KAZN: variants seen among roughly 807,000 people sequenced by gnomAD.
KAZN encodes kazrin.
A neutral mutation model predicts 87.4 loss-of-function variants in KAZN; 40 were observed. That is an observed-to-expected ratio of 0.46 (90% CI 0.36 to 0.60). The LOEUF (loss-of-function observed/expected upper bound fraction) is 0.60. Ranked by LOEUF, KAZN falls within the 20% of genes least tolerant of loss-of-function variation. The pLI is 0.00. For missense variants in KAZN, 898 were observed against 1,073.9 expected (o/e 0.84, Z 2.29); for synonymous variants, 466 against 458.3 (o/e 1.02, Z -0.22).
intron 8 of KAZN, among the ~76,000 whole-genome samples, chr1:15,071,902 G>T (rs1236525401): frequency 6.6e-6 from 1 of 152,132 alleles, no homozygotes; most frequent in Non-Finnish European, 1.5e-5. Context: ...TTTCTTAATG[G>T]TTACCAGTAA....
intron 1 of KAZN, among the ~76,000 whole-genome samples, chr1:14,706,093 T>C (rs1642194354): frequency 6.6e-6 from 1 of 152,178 alleles, no homozygotes; most frequent in Non-Finnish European, 1.5e-5. Flanking sequence ...GAACTGTGCA[T>C]GCAAGGGATC....
intron 2 of KAZN, among the ~76,000 whole-genome samples, chr1:14,521,259 A>C (rs75152998): frequency 1.3e-5 from 2 of 152,092 alleles, no homozygotes; most frequent in Non-Finnish European, 1.5e-5. Context: ...CACCATAACC[A>C]CTTGAGCCAA....
intron 2 of KAZN, among the ~76,000 whole-genome samples, chr1:14,999,406 C>T (rs1668222496): frequency 6.6e-6 from 1 of 152,234 alleles, no homozygotes. Flanking sequence ...GCATGGGAGG[C>T]CCTGCCTCCA....
chr1:14,224,784 GACTCA>G (rs969044757), intron 2 of KAZN, among the ~76,000 whole-genome samples: 4 of 152,106 alleles, frequency 2.6e-5, no homozygotes, highest in African/African-American at 9.7e-5. Context: ...TGGCATGTTG[GACTCA>G]ACTCTTCCTT....
chr1:13,916,565 T>C (rs1203701), intron 1 of KAZN, among the ~76,000 whole-genome samples: 26,153 of 152,110 alleles, frequency 0.17, 2,503 homozygotes, highest in Admixed American at 0.27. Flanking sequence ...CCTGTGCTCT[T>C]GCTGCTCAGA....
At chr1:14,092,570 C>T (rs1470480956) in intron 1 of KAZN, among the ~76,000 whole-genome samples, 1 of 126,228 alleles carries the variant, frequency 7.9e-6, no homozygotes, top group Non-Finnish European at 1.9e-5. Flanking sequence ...CACATATATA[C>T]ATATGTATGT....
chr1:14,262,054 A>G (rs1651067886), intron 2 of KAZN, among the ~76,000 whole-genome samples: 1 of 152,222 alleles, frequency 6.6e-6, no homozygotes, highest in African/African-American at 2.4e-5. Context: ...TAACTAGCAT[A>G]TCAAACCAAT....
intron 1 of KAZN, among the ~76,000 whole-genome samples, chr1:14,736,254 G>GGGGTGTGTGTGTGT (rs780407996): frequency 3.5e-5 from 4 of 115,300 alleles, no homozygotes; most frequent in Non-Finnish European, 7.1e-5. Context: ...GGGACTCAAG[G>GGGGTGTGTGTGTGT]GTGTGTGTGT....
chr1:14,934,013 G>A (rs1368645908), intron 1 of KAZN, among the ~76,000 whole-genome samples: 5 of 151,514 alleles, frequency 3.3e-5, no homozygotes, highest in East Asian at 1.9e-4. Context: ...CCGCCACTAC[G>A]CCTGGCTATT....
chr1:14,895,610 G>C (rs557185324), intron 1 of KAZN, among the ~76,000 whole-genome samples: 1 of 152,338 alleles, frequency 6.6e-6, no homozygotes, highest in South Asian at 2.1e-4. Context: ...TCATCTTCCG[G>C]GAGGGTGGAA....
chr1:14,039,018 A>G (rs183938112), intron 1 of KAZN, among the ~76,000 whole-genome samples: 38 of 152,144 alleles, frequency 2.5e-4, no homozygotes, highest in African/African-American at 9.2e-4. Flanking sequence ...ACACACACAA[A>G]AAATTAGCTG....
chr1:14,046,222 ACTCT>A (rs1278629301), intron 1 of KAZN, among the ~76,000 whole-genome samples: 5 of 152,038 alleles, frequency 3.3e-5, no homozygotes, highest in Admixed American at 3.3e-4. Context: ...AATATGACAC[ACTCT>A]CTCTCACCAA....
At chr1:14,017,600 G>A (rs574122724) in intron 1 of KAZN, among the ~76,000 whole-genome samples, 2 of 152,334 alleles carry the variant, frequency 1.3e-5, no homozygotes, top group African/African-American at 2.4e-5. Flanking sequence ...ACCACAGAGT[G>A]TATTCCATTA....
intron 1 of KAZN, among the ~76,000 whole-genome samples, chr1:14,045,640 G>C (rs1000710699): frequency 6.6e-6 from 1 of 152,160 alleles, no homozygotes; most frequent in Non-Finnish European, 1.5e-5. Context: ...CCATGGTGGG[G>C]TGTGTATATG....
At chr1:14,825,899 G>A (rs565777966) in intron 1 of KAZN, among the ~76,000 whole-genome samples, 10 of 152,318 alleles carry the variant, frequency 6.6e-5, no homozygotes, top group African/African-American at 2.2e-4. Context: ...ACACGCTCCA[G>A]GAGGGCACAT....
intron 1 of KAZN, among the ~76,000 whole-genome samples, chr1:14,932,079 C>T (rs1450331170): frequency 6.6e-6 from 1 of 152,148 alleles, no homozygotes; most frequent in African/African-American, 2.4e-5. Context: ...ACCAGCACCC[C>T]GTGTTTCCCG....
intron 4 of KAZN, among the ~76,000 whole-genome samples, chr1:15,053,296 A>G (rs1674611423): frequency 6.6e-6 from 1 of 152,124 alleles, no homozygotes; most frequent in Non-Finnish European, 1.5e-5. Flanking sequence ...GTGGTTCAGG[A>G]AGTGTGGGTC....
chr1:13,942,240 G>C (rs1202699030), intron 1 of KAZN, among the ~76,000 whole-genome samples: 2 of 151,956 alleles, frequency 1.3e-5, no homozygotes, highest in African/African-American at 4.8e-5. Context: ...TTTTTTTCTG[G>C]AGAAAAATAT....
chr1:15,108,154 G>C (rs1641360659), intron 13 of KAZN, among the ~76,000 whole-genome samples: 2 of 152,182 alleles, frequency 1.3e-5, no homozygotes, highest in South Asian at 2.1e-4. Flanking sequence ...CTTGTCACCT[G>C]TCCCACCTCC....
Sources: gnomAD v4.1 joint callset for allele counts (sites outside exome capture counted in the v4.1 genomes callset) on GRCh38, gnomAD v4.1.1 for gene constraint, MANE v1.5 for transcripts, NCBI Gene and HGNC (gene_info 2026-07-23, HGNC 2026-07-21) for gene names.